Variants in SIPA1L1 observed in about 807,000 individuals in gnomAD.
SIPA1L1 encodes the protein signal-induced proliferation-associated 1-like protein 1.
SIPA1L1 carries 26 observed loss-of-function variants against 162.7 expected under a neutral mutation model. The ratio of observed to expected loss-of-function variants is 0.16; its 90% CI spans 0.12 to 0.22. The LOEUF (loss-of-function observed/expected upper bound fraction) is 0.22, where lower values mean the gene tolerates loss of function less well. SIPA1L1 is among the 10% of genes least tolerant of loss of function. The pLI is 1.00. For synonymous variants in SIPA1L1, 829 were observed against 837.4 expected (o/e 0.99, Z 0.17); for missense variants, 1,874 against 2,241.0 (o/e 0.84, Z 3.31).
intron 7 of SIPA1L1, among the ~76,000 whole-genome samples, chr14:71,635,635 A>G (rs2041066513): frequency 6.6e-6 from 1 of 152,236 alleles, no homozygotes; most frequent in Non-Finnish European, 1.5e-5. Flanking sequence ...CAAAAGCCCT[A>G]TAGATAAATC....
intron 4 of SIPA1L1, among the ~76,000 whole-genome samples, chr14:71,548,335 T>G (rs561525694): frequency 6.6e-6 from 1 of 152,328 alleles, no homozygotes; most frequent in Non-Finnish European, 1.5e-5. Flanking sequence ...TACTAAATTT[T>G]TATCATTTAC....
At chr14:71,457,735 C>T (rs1452238540) in intron 2 of SIPA1L1, among the ~76,000 whole-genome samples, 2 of 152,066 alleles carry the variant, frequency 1.3e-5, no homozygotes, top group Non-Finnish European at 2.9e-5. Flanking sequence ...GCTGGGATTA[C>T]AGGTGCATGC....
At chr14:71,570,241 C>CT (rs2031706251) in intron 4 of SIPA1L1, among the ~76,000 whole-genome samples, 1 of 151,344 alleles carries the variant, frequency 6.6e-6, no homozygotes, top group South Asian at 2.1e-4. Flanking sequence ...TTTCTTTTTT[C>CT]TTTTTTAAAA....
At chr14:71,480,391 A>T (rs570948935) in intron 2 of SIPA1L1, among the ~76,000 whole-genome samples, 1 of 148,012 alleles carries the variant, frequency 6.8e-6, no homozygotes, top group Non-Finnish European at 1.5e-5. Flanking sequence ...GCCCGGCCAG[A>T]CTAGTGTTTT....
chr14:71,661,500 G>GATGTTGGCTGGTTATCGC (rs1374251758), intron 10 of SIPA1L1, 33 bp downstream of exon 10: 1 of 1,597,692 alleles, frequency 6.3e-7, no homozygotes, highest in African/African-American at 1.3e-5. Flanking sequence ...GGGCTCTGTG[G>GATGTTGGCTGGTTATCGC]ATGTTGGCTG....
At chr14:71,669,647 C>T (rs1235449558) in intron 10 of SIPA1L1, among the ~76,000 whole-genome samples, 1 of 152,104 alleles carries the variant, frequency 6.6e-6, no homozygotes, top group Non-Finnish European at 1.5e-5. Flanking sequence ...AGAAAAATTG[C>T]CTTCCTAATA....
chr14:71,424,550 T>A (rs1238762829), intron 2 of SIPA1L1, among the ~76,000 whole-genome samples: 2 of 152,112 alleles, frequency 1.3e-5, no homozygotes, highest in African/African-American at 4.8e-5. Context: ...GGATATTTCA[T>A]CTCTTCATTC....
At chr14:71,522,242 C>A (rs1373042707) in intron 3 of SIPA1L1, among the ~76,000 whole-genome samples, 1 of 152,086 alleles carries the variant, frequency 6.6e-6, no homozygotes, top group African/African-American at 2.4e-5. Flanking sequence ...CTTTTCTCTG[C>A]TGCTTTTAAG....
At chr14:71,717,845 C>G (rs1358454245) in intron 17 of SIPA1L1, among the ~76,000 whole-genome samples, 1 of 151,984 alleles carries the variant, frequency 6.6e-6, no homozygotes, top group Non-Finnish European at 1.5e-5. Flanking sequence ...TTCTTCAACC[C>G]AAAAAAACAT....
intron 2 of SIPA1L1, among the ~76,000 whole-genome samples, chr14:71,436,997 C>T (rs1305074519): frequency 6.6e-6 from 1 of 152,020 alleles, no homozygotes; most frequent in Non-Finnish European, 1.5e-5. Context: ...ATCTCTTGAT[C>T]TCGTGATCTG....
chr14:71,510,493 C>T (rs191058038), intron 2 of SIPA1L1, among the ~76,000 whole-genome samples: 10 of 152,156 alleles, frequency 6.6e-5, no homozygotes, highest in African/African-American at 2.4e-4. Flanking sequence ...TGGCCTAATC[C>T]CCTTTCTTTA....
At chr14:71,573,507 G>A (rs1240064337) in intron 4 of SIPA1L1, 2 of 453,176 alleles carry the variant, frequency 4.4e-6, no homozygotes, top group Admixed American at 2.4e-5. Context: ...GAAAGTTTGG[G>A]ACCTCAAGAG....
At position 71,740,362 on chromosome 14, in the gene SIPA1L1, T is replaced by C. The variant is rs1244580152; in HGVS notation, c.*1201T>C. 3 of 152,218 alleles carry C rather than the reference T, an allele frequency of 2.0e-5. No individual in the cohort carries two copies. The highest frequency in any genetic ancestry group is 4.8e-5 in the African/African-American group (2 of 41,456). The allele number at this position is 152,218 out of a possible 1,614,324, so 9.4% of individuals were successfully genotyped here. A position where few individuals can be genotyped will look rare whatever the true frequency, so the allele number is the denominator to read the frequency against. Reference sequence around the variant, plus strand: ...TTGATGTGCTATTTTTGCTGTCTTGTGATGCAGGCTGCTTTGGGCCCCTGG... The same window carrying C: ...TTGATGTGCTATTTTTGCTGTCTTGCGATGCAGGCTGCTTTGGGCCCCTGG... On this transcript the variant is annotated 3_prime_UTR_variant, in exon 24 of 24. Coordinates refer to ENST00000381232, the MANE Select transcript of SIPA1L1 (RefSeq NM_001386936.1).
intron 19 of SIPA1L1, among the ~76,000 whole-genome samples, chr14:71,726,768 T>C (rs572399990): frequency 2.0e-5 from 3 of 152,278 alleles, no homozygotes; most frequent in African/African-American, 4.8e-5. Flanking sequence ...TTTGAGCAGG[T>C]TTAGTTTCAG....
intron 2 of SIPA1L1, among the ~76,000 whole-genome samples, chr14:71,495,886 C>CAAAAAAAAAAA (rs61183823): frequency 1.6e-4 from 6 of 38,014 alleles, no homozygotes; most frequent in South Asian, 1.2e-3. Context: ...TCCATCTCTA[C>CAAAAAAAAAAA]AAAAAAAAAA....
At chr14:71,413,475 C>T (rs761270270) in intron 2 of SIPA1L1, among the ~76,000 whole-genome samples, 3 of 152,200 alleles carry the variant, frequency 2.0e-5, no homozygotes, top group Non-Finnish European at 2.9e-5. Context: ...CAGTGGCTCA[C>T]GCCTGTAATC....
Position 71,546,335 on chromosome 14 carries a change from C to T in SIPA1L1, c.-303+16965C>T, listed in dbSNP as rs1157520882. The stretch of plus-strand genomic sequence containing the variant: ...TACTTTTGCGAACATAGCTTCTTCT[C>T]TTTTACTCTCTTCTCTCTGTATTGT... On this transcript the variant is annotated intron_variant, in intron 4 of 23. Coordinates refer to ENST00000381232, the MANE Select transcript of SIPA1L1 (RefSeq NM_001386936.1). Among the ~76,000 whole-genome samples the T allele has an allele frequency of 4.7e-5, 7 of 149,010 alleles. No homozygotes were observed. The East Asian group carries it at 1.4e-3, about 29-fold the overall frequency.
intron 2 of SIPA1L1, among the ~76,000 whole-genome samples, chr14:71,486,079 G>A (rs1489941435): frequency 6.6e-6 from 1 of 152,192 alleles, no homozygotes; most frequent in Non-Finnish European, 1.5e-5. Flanking sequence ...GATTTAAAAA[G>A]ATGTTTCATA....
At chr14:71,666,682 C>G (rs933878787) in intron 10 of SIPA1L1, among the ~76,000 whole-genome samples, 4 of 151,986 alleles carry the variant, frequency 2.6e-5, no homozygotes, top group Non-Finnish European at 1.5e-5. Context: ...AATGTAATAA[C>G]TGTTGAAAGG....
Sources: allele counts gnomAD v4.1 joint callset (sites outside exome capture counted in the v4.1 genomes callset), GRCh38; gene constraint gnomAD v4.1.1; transcripts MANE v1.5; gene names NCBI Gene and HGNC (gene_info 2026-07-23, HGNC 2026-07-21).